The following GPR158 variants were observed in gnomAD, a reference collection of about 807,000 sequenced individuals.
GPR158 encodes the protein metabotropic glycine receptor.
Under a neutral mutation model 78.2 loss-of-function variants are expected in GPR158, and 30 were observed. The observed-to-expected ratio is 0.38, with a 90% confidence interval of 0.29 to 0.52. The LOEUF (loss-of-function observed/expected upper bound fraction) is 0.52, where lower values mean the gene tolerates loss of function less well. Among genes scored for constraint, GPR158 ranks in the 20% least tolerant of loss-of-function variants. The pLI is 0.83. For synonymous variants in GPR158, 581 were observed against 591.1 expected (o/e 0.98, Z 0.25); for missense variants, 1,463 against 1,523.5 (o/e 0.96, Z 0.66).
chr10:25,178,605 T>C (rs1852573226), intron 1 of GPR158, among the ~76,000 whole-genome samples: 1 of 152,212 alleles, frequency 6.6e-6, no homozygotes, highest in Non-Finnish European at 1.5e-5. Flanking sequence ...ACAAAGATGG[T>C]ATTCTTCAGC....
chr10:25,550,865 A>G, intron 5 of GPR158, 111 bp from the exon 6 acceptor site: 1 of 696,502 alleles, frequency 1.4e-6, no homozygotes, highest in Non-Finnish European at 2.6e-6. Flanking sequence ...AAGTATTCAG[A>G]TGAGTGTATA....
intron 4 of GPR158, among the ~76,000 whole-genome samples, chr10:25,446,547 T>G: frequency 6.6e-6 from 1 of 152,258 alleles, no homozygotes; most frequent in East Asian, 1.9e-4. Context: ...TGTCCATGGC[T>G]TTCCATGTGT....
intron 4 of GPR158, among the ~76,000 whole-genome samples, chr10:25,430,998 C>G (rs1252302240): frequency 1.4e-5 from 2 of 144,690 alleles, no homozygotes; most frequent in East Asian, 3.9e-4. Context: ...CAACAAAAGC[C>G]AAAATTGACA....
intron 1 of GPR158, among the ~76,000 whole-genome samples, chr10:25,203,010 G>A (rs1178355007): frequency 6.6e-6 from 1 of 152,144 alleles, no homozygotes; most frequent in Non-Finnish European, 1.5e-5. Flanking sequence ...GGCCAGTGAT[G>A]GTGAGCATTT....
intron 2 of GPR158, among the ~76,000 whole-genome samples, chr10:25,307,385 T>TCC (rs1854693926): frequency 6.7e-5 from 2 of 29,822 alleles, no homozygotes; most frequent in Admixed American, 3.0e-4. Flanking sequence ...TGCTTTTTTT[T>TCC]TTTTTTTTTT....
At chr10:25,438,705 T>G (rs928049730) in intron 4 of GPR158, among the ~76,000 whole-genome samples, 26 of 152,324 alleles carry the variant, frequency 1.7e-4, no homozygotes, top group African/African-American at 5.5e-4. Flanking sequence ...ATTTTATGAC[T>G]TTAGTGGGAA....
intron 4 of GPR158, among the ~76,000 whole-genome samples, chr10:25,448,114 T>G (rs1835162259): frequency 6.9e-6 from 1 of 144,944 alleles, no homozygotes; most frequent in Admixed American, 7.1e-5. Context: ...AGACGGAGTC[T>G]CGTTCTGTCA....
chr10:25,501,068 T>C (rs752036781), intron 5 of GPR158, among the ~76,000 whole-genome samples: 2 of 152,106 alleles, frequency 1.3e-5, no homozygotes, highest in Non-Finnish European at 2.9e-5. Context: ...TGGTAGGAGA[T>C]AGAAGCCAGG....
intron 3 of GPR158, among the ~76,000 whole-genome samples, chr10:25,408,903 C>T (rs1834551245): frequency 6.6e-6 from 1 of 152,150 alleles, no homozygotes; most frequent in Admixed American, 6.5e-5. Flanking sequence ...CCTCTGTGTT[C>T]ATGGCACAAG....
At chr10:25,284,605 A>G (rs895821966) in intron 2 of GPR158, among the ~76,000 whole-genome samples, 5 of 151,868 alleles carry the variant, frequency 3.3e-5, no homozygotes, top group Admixed American at 2.6e-4. Flanking sequence ...ATATATTTAA[A>G]TCATTTACAT....
intron 1 of GPR158, among the ~76,000 whole-genome samples, chr10:25,206,929 A>G (rs1853047773): frequency 6.6e-6 from 1 of 150,500 alleles, no homozygotes; most frequent in Non-Finnish European, 1.5e-5. Flanking sequence ...GATCAGAGAG[A>G]AAGGACTTAA....
chr10:25,417,179 A>G (rs947577788), intron 4 of GPR158, among the ~76,000 whole-genome samples: 6 of 152,202 alleles, frequency 3.9e-5, no homozygotes, highest in South Asian at 2.1e-4. Flanking sequence ...AATGATGAGC[A>G]TTCTTACATG....
At chr10:25,559,282 G>T (rs1353717809) in intron 6 of GPR158, among the ~76,000 whole-genome samples, 4 of 152,028 alleles carry the variant, frequency 2.6e-5, no homozygotes, top group African/African-American at 4.8e-5. Flanking sequence ...CCTTTTGATT[G>T]GTGTTAGCAT....
intron 2 of GPR158, among the ~76,000 whole-genome samples, chr10:25,287,226 T>C (rs76596134): frequency 0.01 from 1,561 of 152,166 alleles, 10 homozygotes; most frequent in Middle Eastern, 0.024. Context: ...CCCCGAGATA[T>C]AGGGAGTTTT....
At chr10:25,180,103 CGAT>C (rs756052171) in intron 1 of GPR158, among the ~76,000 whole-genome samples, 1 of 151,984 alleles carries the variant, frequency 6.6e-6, no homozygotes, top group Non-Finnish European at 1.5e-5. Flanking sequence ...AATTAATTCT[CGAT>C]GAGCCTGAGA....
intron 2 of GPR158, among the ~76,000 whole-genome samples, chr10:25,234,227 G>C (rs993218574): frequency 6.6e-6 from 1 of 151,954 alleles, no homozygotes; most frequent in African/African-American, 2.4e-5. Context: ...TCTGTGATTC[G>C]ACTGGCAGAC....
intron 2 of GPR158, among the ~76,000 whole-genome samples, chr10:25,229,045 A>AAC (rs1564396419): frequency 2.0e-5 from 3 of 151,924 alleles, no homozygotes; most frequent in African/African-American, 7.3e-5. Flanking sequence ...AAAAAAAAAA[A>AAC]AAAAAAGATG....
At chr10:25,499,301 G>A (rs562678051) in intron 5 of GPR158, among the ~76,000 whole-genome samples, 7 of 152,230 alleles carry the variant, frequency 4.6e-5, no homozygotes, top group Non-Finnish European at 1.0e-4. Flanking sequence ...AATACAGTGC[G>A]CTCACAAGCT....
intron 2 of GPR158, among the ~76,000 whole-genome samples, chr10:25,370,610 G>T (rs1833973404): frequency 6.8e-6 from 1 of 147,530 alleles, no homozygotes; most frequent in Non-Finnish European, 1.5e-5. Flanking sequence ...TTTTGGAATA[G>T]GTGTGGTGTG....
Sources: gnomAD v4.1 joint callset for allele counts (sites outside exome capture counted in the v4.1 genomes callset) on GRCh38, gnomAD v4.1.1 for gene constraint, MANE v1.5 for transcripts, NCBI Gene and HGNC (gene_info 2026-07-23, HGNC 2026-07-21) for gene names.